The following CLEC16A variants were observed in gnomAD, a reference collection of about 807,000 sequenced individuals.
The protein encoded by CLEC16A is protein CLEC16A.
In CLEC16A, 51 loss-of-function variants were observed where a neutral mutation model predicts 109.5. That is an observed-to-expected ratio of 0.47 (90% confidence interval 0.37 to 0.59). CLEC16A has a LOEUF of 0.59. Among genes scored for constraint, CLEC16A ranks in the 20% least tolerant of loss-of-function variants. CLEC16A has a pLI of 0.00. For synonymous variants in CLEC16A, 673 were observed against 564.2 expected, an observed-to-expected ratio of 1.19 and a Z score of -2.73; for missense variants, 1,339 against 1,394.0, an observed-to-expected ratio of 0.96 and a Z score of 0.63.
intron 19 of CLEC16A, among the ~76,000 whole-genome samples, chr16:11,114,755 A>G (rs2051855137): frequency 6.6e-6 from 1 of 152,058 alleles, no homozygotes; most frequent in African/African-American, 2.4e-5. Flanking sequence ...GTTCCCTAAA[A>G]TGATACTGGC....
chr16:11,144,143 G>C (rs2153069945), intron 22 of CLEC16A, among the ~76,000 whole-genome samples: 1 of 152,300 alleles, frequency 6.6e-6, no homozygotes, highest in African/African-American at 2.4e-5. Flanking sequence ...CATCTCCCAA[G>C]CTACCTTATC....
rs374800849 is a variant in CLEC16A, at chr16:11,020,359, C to G, written c.1436+34C>G. ...CCGAGAGGTCGATGCTGAGTGCTCTCTCAGGGAAGAGGAGAGGGCTCAGTG... is the reference window on the plus strand; with the variant it reads ...CCGAGAGGTCGATGCTGAGTGCTCTGTCAGGGAAGAGGAGAGGGCTCAGTG... On this transcript the variant is annotated intron_variant, in intron 12 of 23. Coordinates refer to ENST00000409790, the MANE Select transcript of CLEC16A (RefSeq NM_015226.3). The G allele has an allele frequency of 1.5e-5, 23 of 1,575,414 alleles. No homozygotes were observed. In the African/African-American group the frequency reaches 2.2e-4, roughly 15 times the overall value.
chr16:11,175,486 C>G (rs2068710688), intron 23 of CLEC16A, among the ~76,000 whole-genome samples: 1 of 152,138 alleles, frequency 6.6e-6, no homozygotes, highest in Non-Finnish European at 1.5e-5. Flanking sequence ...CAGCACTTGA[C>G]TAGAAAAAAG....
chr16:11,115,579 C>A (rs1416743610), intron 19 of CLEC16A, among the ~76,000 whole-genome samples: 9 of 152,124 alleles, frequency 5.9e-5, no homozygotes, highest in Non-Finnish European at 1.3e-4. Flanking sequence ...TGCCATGTTG[C>A]ACAGGCCGGT....
intron 11 of CLEC16A, among the ~76,000 whole-genome samples, chr16:11,018,174 G>A (rs138607340): frequency 4.7e-4 from 71 of 151,674 alleles, no homozygotes; most frequent in African/African-American, 1.7e-3. Context: ...GGGTGTGCTG[G>A]CATGTACCTG....
chr16:11,145,704 A>G (rs146918692), intron 22 of CLEC16A, among the ~76,000 whole-genome samples: 9 of 152,362 alleles, frequency 5.9e-5, no homozygotes, highest in African/African-American at 1.9e-4. Flanking sequence ...CCCGCAGGGC[A>G]TTGTGTGCTG....
chr16:11,087,836 T>C (rs1205685598), intron 19 of CLEC16A, among the ~76,000 whole-genome samples: 1 of 152,208 alleles, frequency 6.6e-6, no homozygotes, highest in Non-Finnish European at 1.5e-5. Context: ...GCCAGGTCAC[T>C]GTGCTGCTTC....
chr16:11,133,019 C>A (rs936935672), intron 22 of CLEC16A, among the ~76,000 whole-genome samples: 2 of 152,170 alleles, frequency 1.3e-5, no homozygotes, highest in African/African-American at 4.8e-5. Flanking sequence ...GGACTTCATC[C>A]CTTAAGGGCT....
Position 11,180,808 on chromosome 16 carries a change from A to G in CLEC16A, c.*2118A>G, listed in dbSNP as rs1218844813. ...TGCTGTCAGAAGTCTCTGGGCTCCA[A>G]CTGGTCTTGTAACCACTGAGCACTG... On this transcript the variant is annotated 3_prime_UTR_variant, in exon 24 of 24. Transcript: ENST00000409790. 1 of 152,398 alleles carries G rather than the reference A, an allele frequency of 6.6e-6. No homozygotes were observed. The highest frequency in any genetic ancestry group is 2.4e-5 in the African/African-American group (1 of 41,452). 9.4% of individuals were successfully genotyped at this position (152,398 alleles called of 1,614,324 possible). A position where few individuals can be genotyped will look rare whatever the true frequency, so the allele number is the denominator to read the frequency against.
chr16:11,164,554 G>C (rs1425770891), intron 22 of CLEC16A, among the ~76,000 whole-genome samples: 1 of 152,188 alleles, frequency 6.6e-6, no homozygotes, highest in Non-Finnish European at 1.5e-5. Flanking sequence ...TAAATCCCAG[G>C]CTTCCCTGGT....
chr16:11,156,890 C>T (rs2054546255), intron 22 of CLEC16A, among the ~76,000 whole-genome samples: 1 of 151,524 alleles, frequency 6.6e-6, no homozygotes, highest in Non-Finnish European at 1.5e-5. Flanking sequence ...TGCACGCATT[C>T]CTCATATTCA....
At chr16:11,082,246 G>A (rs569814174) in intron 19 of CLEC16A, among the ~76,000 whole-genome samples, 25 of 152,320 alleles carry the variant, frequency 1.6e-4, no homozygotes, top group African/African-American at 5.8e-4. Context: ...GGGAAATCGC[G>A]ACGGCGTGCT....
chr16:11,012,217 G>A (rs752810378), intron 11 of CLEC16A, among the ~76,000 whole-genome samples: 4 of 152,130 alleles, frequency 2.6e-5, no homozygotes, highest in Admixed American at 2.6e-4. Flanking sequence ...TTCTGGTCAC[G>A]AAAACATATC....
chr16:11,136,745 A>T (rs935904048), intron 22 of CLEC16A, among the ~76,000 whole-genome samples: 2 of 152,246 alleles, frequency 1.3e-5, no homozygotes, highest in Non-Finnish European at 1.5e-5. Flanking sequence ...CACAGCTCTC[A>T]GAGGCTGAGC....
chr16:11,077,981 GT>G (rs1187291317), intron 19 of CLEC16A, among the ~76,000 whole-genome samples: 1 of 144,228 alleles, frequency 6.9e-6, no homozygotes, highest in Non-Finnish European at 1.6e-5. Flanking sequence ...GTGTGTGTGT[GT>G]GTGTGTGTGT....
chr16:11,157,948 A>C (rs1235201245), intron 22 of CLEC16A, among the ~76,000 whole-genome samples: 2 of 152,144 alleles, frequency 1.3e-5, no homozygotes, highest in Admixed American at 6.5e-5. Flanking sequence ...AGCACGAACA[A>C]GAAGGTTCTA....
intron 16 of CLEC16A, among the ~76,000 whole-genome samples, chr16:11,046,768 C>T (rs1447983545): frequency 6.6e-6 from 1 of 152,174 alleles, no homozygotes; most frequent in African/African-American, 2.4e-5. Flanking sequence ...AAGGGGCCCT[C>T]CCAGGCAGTC....
intron 19 of CLEC16A, among the ~76,000 whole-genome samples, chr16:11,110,841 G>T (rs548878284): frequency 2.6e-5 from 4 of 152,358 alleles, no homozygotes; most frequent in African/African-American, 9.6e-5. Context: ...AACTGGCAGA[G>T]CTGGGCTTTA....
chr16:10,963,988 A>C (rs1424214661), intron 3 of CLEC16A, among the ~76,000 whole-genome samples: 3 of 152,222 alleles, frequency 2.0e-5, no homozygotes, highest in African/African-American at 7.2e-5. Flanking sequence ...TAGCTTTGTT[A>C]TTCCAAGGTG....
Sources: allele counts gnomAD v4.1 joint callset (sites outside exome capture counted in the v4.1 genomes callset), GRCh38; gene constraint gnomAD v4.1.1; transcripts MANE v1.5; gene names NCBI Gene and HGNC (gene_info 2026-07-23, HGNC 2026-07-21).